AFF3: variants seen among roughly 807,000 people sequenced by gnomAD.
The protein encoded by AFF3 is ALF transcription elongation factor 3, also known as AF4/FMR2 family member 3.
Under a neutral mutation model 129.7 loss-of-function variants are expected in AFF3, and 32 were observed. The ratio of observed to expected loss-of-function variants is 0.25; its 90% CI spans 0.19 to 0.33. AFF3 has a LOEUF of 0.33. Ranked by LOEUF, AFF3 falls within the 10% of genes least tolerant of loss-of-function variation. The pLI is 1.00. For missense variants in AFF3, 1,373 were observed against 1,592.0 expected (o/e 0.86, Z 2.34); for synonymous variants, 644 against 635.4 (o/e 1.01, Z -0.20).
At chr2:99,747,427 T>G (rs1377715411) in intron 9 of AFF3, among the ~76,000 whole-genome samples, 1 of 152,132 alleles carries the variant, frequency 6.6e-6, no homozygotes, top group Non-Finnish European at 1.5e-5. Flanking sequence ...ACTCCTAGGC[T>G]CAAGCGATCC....
chr2:100,062,838 G>A (rs1441549862), intron 4 of AFF3, among the ~76,000 whole-genome samples: 1 of 152,184 alleles, frequency 6.6e-6, no homozygotes, highest in Non-Finnish European at 1.5e-5. Flanking sequence ...GATGCAAAGT[G>A]CCAAGGACTT....
chr2:99,839,356 C>T (rs1341078673), intron 7 of AFF3, among the ~76,000 whole-genome samples: 2 of 152,026 alleles, frequency 1.3e-5, no homozygotes, highest in Admixed American at 6.6e-5. Context: ...GTGATCCCCT[C>T]GCCTCGGCCT....
chr2:99,885,561 G>A (rs1025620518), intron 7 of AFF3, among the ~76,000 whole-genome samples: 1 of 152,190 alleles, frequency 6.6e-6, no homozygotes, highest in East Asian at 1.9e-4. Context: ...AGATACTCTA[G>A]GCCCCTAAAT....
chr2:99,738,115 T>C (rs1680403878), intron 10 of AFF3, among the ~76,000 whole-genome samples: 1 of 152,176 alleles, frequency 6.6e-6, no homozygotes, highest in African/African-American at 2.4e-5. Context: ...ATTAGGAGTC[T>C]GATTCTCCGC....
At chr2:99,679,629 A>G (rs1395353732) in intron 11 of AFF3, among the ~76,000 whole-genome samples, 2 of 152,200 alleles carry the variant, frequency 1.3e-5, no homozygotes, top group Admixed American at 1.3e-4. Flanking sequence ...AGGAAAATGG[A>G]AATCAACAGT....
intron 1 of AFF3, among the ~76,000 whole-genome samples, chr2:100,139,370 C>T (rs1255760875): frequency 2.0e-5 from 3 of 152,044 alleles, no homozygotes; most frequent in Non-Finnish European, 4.4e-5. Flanking sequence ...TAACATATTG[C>T]CGATTGAATT....
chr2:100,043,000 G>T (rs1172768197), intron 4 of AFF3, among the ~76,000 whole-genome samples: 1 of 151,962 alleles, frequency 6.6e-6, no homozygotes, highest in Non-Finnish European at 1.5e-5. Context: ...AATCATCCAT[G>T]GATGCAGGTA....
chr2:99,658,703 CCAGT>C (rs1685973345), intron 12 of AFF3, among the ~76,000 whole-genome samples: 1 of 152,112 alleles, frequency 6.6e-6, no homozygotes, highest in African/African-American at 2.4e-5. Flanking sequence ...GGTCTCAGAG[CCAGT>C]AAGTAAAGGA....
intron 13 of AFF3, among the ~76,000 whole-genome samples, chr2:99,628,439 C>A (rs535729507): frequency 6.6e-6 from 1 of 152,270 alleles, no homozygotes; most frequent in Admixed American, 6.5e-5. Flanking sequence ...AGTTGCTCAT[C>A]AGCTTAAGAA....
At chr2:99,914,043 G>T (rs1363929422) in intron 7 of AFF3, among the ~76,000 whole-genome samples, 5 of 152,162 alleles carry the variant, frequency 3.3e-5, no homozygotes, top group Non-Finnish European at 5.9e-5. Context: ...AATGCTAAAA[G>T]TAATGTCTGA....
chr2:99,694,544 C>A (rs1327662297), intron 11 of AFF3, among the ~76,000 whole-genome samples: 1 of 152,112 alleles, frequency 6.6e-6, no homozygotes. Flanking sequence ...TTTTGCATTG[C>A]TCTCCGTAAG....
intron 4 of AFF3, among the ~76,000 whole-genome samples, chr2:100,078,652 TAA>T (rs1688790634): frequency 6.6e-6 from 1 of 152,140 alleles, no homozygotes; most frequent in Admixed American, 6.5e-5. Context: ...TAAACATCCC[TAA>T]ATGAAAGAAT....
intron 8 of AFF3, among the ~76,000 whole-genome samples, chr2:99,823,086 T>A (rs1249796284): frequency 6.6e-6 from 1 of 152,184 alleles, no homozygotes; most frequent in East Asian, 1.9e-4. Context: ...AGTTTTCAAA[T>A]GGCTCCATAT....
intron 10 of AFF3, among the ~76,000 whole-genome samples, chr2:99,739,901 T>C (rs1175348149): frequency 6.6e-6 from 1 of 151,794 alleles, no homozygotes; most frequent in Admixed American, 6.6e-5. Flanking sequence ...CATGCTGGTG[T>C]GCTGCACCCA....
At chr2:100,106,183 C>G in intron 2 of AFF3, 18 of 1,195,232 alleles carry the variant, frequency 1.5e-5, no homozygotes, top group Non-Finnish European at 1.9e-5. Context: ...ATCCTTTCTT[C>G]ATTAGCATCC....
chr2:100,113,494 TACTC>T (rs1433799631), intron 2 of AFF3, among the ~76,000 whole-genome samples: 1 of 152,220 alleles, frequency 6.6e-6, no homozygotes, highest in Non-Finnish European at 1.5e-5. Flanking sequence ...GAAGTGCAGG[TACTC>T]AGGGAGATCT....
At chr2:99,606,787 A>G (rs879610444) in intron 13 of AFF3, among the ~76,000 whole-genome samples, 9 of 151,796 alleles carry the variant, frequency 5.9e-5, no homozygotes, top group Non-Finnish European at 1.3e-4. Context: ...GGTGGCAGGC[A>G]CCTGTAGTCC....
intron 11 of AFF3, among the ~76,000 whole-genome samples, chr2:99,701,882 A>G (rs1676900428): frequency 1.3e-5 from 2 of 152,208 alleles, no homozygotes; most frequent in Admixed American, 6.5e-5. Context: ...TAGTTATGCT[A>G]TTTCACAAAG....
rs1473973181 is a variant in AFF3, at chr2:99,594,080, G to C, written c.1581C>G (p.Cys527Trp). 2.5e-6 allele frequency: 4 copies of C among 1,613,970 alleles called. No homozygotes were observed. Among genetic ancestry groups the C allele is most frequent in the Non-Finnish European group, 3.4e-6 (4 of 1,179,962 alleles). Residue 527 changes from cysteine to tryptophan, a missense_variant, in exon 15 of 25, where the codon TGC becomes TGG. Cys to Trp is a radical substitution (Grantham distance 215, BLOSUM62 -2). This residue lies in a region of AFF3 where 413 missense variants were observed against 424.4 expected (regional missense o/e 0.97). Coordinates refer to ENST00000672756, the MANE Select transcript of AFF3 (RefSeq NM_001386135.1). The stretch of plus-strand genomic sequence containing the variant: ...CTGTCCTTGGCCTTTGCTCCTCCTT[G>C]CAAGTGCTCTTGATCTCCTTCTCTC... ...SLREKEIKST[C>W]KEEQRPRTAN... is the part of the protein sequence containing the mutation.
Sources: gnomAD v4.1 joint callset for allele counts (sites outside exome capture counted in the v4.1 genomes callset) on GRCh38, gnomAD v4.1.1 for gene constraint, gnomAD v4.1.1 regional missense constraint, MANE v1.5 for transcripts, NCBI Gene and HGNC (gene_info 2026-07-23, HGNC 2026-07-21) for gene names.